Variants in RIPOR3 observed in about 807,000 individuals in gnomAD.
RIPOR3 encodes the protein family with sequence similarity 65 member C.
Under a neutral mutation model 114.3 loss-of-function variants are expected in RIPOR3, and 95 were observed. The ratio of observed to expected loss-of-function variants is 0.83; its 90% confidence interval spans 0.70 to 0.99. The LOEUF is 0.99. RIPOR3 is among the 50% of genes least tolerant of loss of function. RIPOR3 has a pLI of 0.00. For missense variants in RIPOR3, 1,252 were observed against 1,266.9 expected (o/e 0.99, Z 0.18); for synonymous variants, 575 against 543.8 (o/e 1.06, Z -0.80).
Position 50,609,323 on chromosome 20 carries a change from G to A in RIPOR3, c.610C>T (p.His204Tyr), listed in dbSNP as rs761082733. 7.4e-6 allele frequency: 12 copies of A among 1,613,832 alleles called. No individual in the cohort carries two copies. In the Admixed American group the frequency reaches 1.8e-4, roughly 25 times the overall value. Residue 204 changes from histidine to tyrosine, a missense_variant, in exon 8 of 22, where the codon CAC becomes TAC. His to Tyr is a moderately conservative substitution (Grantham distance 83). Transcript: ENST00000327979. Reference sequence around the variant, plus strand: ...ATCCTGATGTGGAACTCGCCCAGGTGAACCTCCAGGGCCCCCTCGATGAGC... The same window carrying A: ...ATCCTGATGTGGAACTCGCCCAGGTAAACCTCCAGGGCCCCCTCGATGAGC... Reference protein sequence around the residue: ...MWLIEGALEVHLGEFHIRMKG... With the variant: ...MWLIEGALEVYLGEFHIRMKG...
chr20:50,628,368 C>A (rs531540389), intron 2 of RIPOR3, among the ~76,000 whole-genome samples: 23 of 152,228 alleles, frequency 1.5e-4, no homozygotes, highest in African/African-American at 5.3e-4. Context: ...CCATGAGGCT[C>A]CGCAGGGTCC....
In RIPOR3 at chr20:50,602,577, C is replaced by T; in HGVS notation, c.1154G>A (p.Ser385Asn). The stretch of plus-strand genomic sequence containing the variant: ...CCGGAGGTCGCTGTCAGACAGGTAG[C>T]TGAGGATGGAGGTGGCCCTTGGGCC... ...LGGPRATSIL[S>N]YLSDSDLRGP... Residue 385 changes from serine to asparagine, a missense_variant, in exon 13 of 22, where the codon AGC becomes AAC. Transcript: ENST00000327979. The surrounding 1 kb of genome is among the most constrained non-coding windows in gnomAD (Gnocchi z 4.3). The T allele has an allele frequency of 6.5e-7, 1 of 1,528,184 alleles. No individual in the cohort carries two copies. Among genetic ancestry groups the T allele is most frequent in the Non-Finnish European group, 8.8e-7 (1 of 1,139,640 alleles). 94.7% of individuals were successfully genotyped at this position (1,528,184 alleles called of 1,614,324 possible).
Position 50,602,724 on chromosome 20 carries a change from G to C in RIPOR3, c.1087-80C>G. The C allele has an allele frequency of 1.8e-6, 2 of 1,108,922 alleles. No individual in the cohort carries two copies. The highest frequency in any genetic ancestry group is 2.4e-6 in the Non-Finnish European group (2 of 830,498). 68.7% of individuals were successfully genotyped at this position (1,108,922 alleles called of 1,614,324 possible). On this transcript the variant is annotated intron_variant, in intron 12 of 21. Coordinates refer to ENST00000327979, the MANE Select transcript of RIPOR3 (RefSeq NM_001290268.2). This position sits in a 1 kb window ranked among gnomAD's most constrained non-coding sequence, Gnocchi z 4.3. ...TCCCCCAGAGGGGCTTCCCCTGACA[G>C]ACACCCGCTGTGCATGCCCATGTTC...
At chr20:50,686,059 T>C (rs949349738) in intron 1 of RIPOR3, among the ~76,000 whole-genome samples, 3 of 151,848 alleles carry the variant, frequency 2.0e-5, no homozygotes, top group African/African-American at 2.4e-5. Flanking sequence ...GCCTGGCTCT[T>C]TCTTTGTTTT....
At chr20:50,683,739 G>A (rs1401872214) in intron 1 of RIPOR3, among the ~76,000 whole-genome samples, 2 of 151,748 alleles carry the variant, frequency 1.3e-5, no homozygotes, top group Non-Finnish European at 2.9e-5. Context: ...TTACAGGTGT[G>A]AGCCACCACA....
rs752760847 is a variant in RIPOR3, at chr20:50,602,125, G to T, written c.1606C>A (p.Pro536Thr). The change falls in exon 13 of 22, where the codon CCC becomes ACC. Residue 536 changes from proline (P) to threonine (T), a missense_variant. By Grantham distance (38) the Pro-to-Thr change is conservative. Transcript: ENST00000327979. The surrounding 1 kb of genome is among the most constrained non-coding windows in gnomAD (Gnocchi z 4.3). ...ELLRPTDSTQ[P>T]QLRELEYQVL... ...TGGTACTCCAGCTCCCGGAGCTGGG[G>T]CTGGGTGGAGTCCGTGGGCCTCAGC... 3 of 1,608,464 alleles carry T rather than the reference G, an allele frequency of 1.9e-6. No individual in the cohort carries two copies. The highest frequency in any genetic ancestry group is 2.7e-5 in the African/African-American group (2 of 74,830).
chr20:50,670,764 G>A (rs1281112726), intron 1 of RIPOR3, among the ~76,000 whole-genome samples: 1 of 152,096 alleles, frequency 6.6e-6, no homozygotes, highest in Non-Finnish European at 1.5e-5. Context: ...CTGGGACTGG[G>A]GAAGAACAAG....
chr20:50,612,585 T>A (rs1251540645), intron 4 of RIPOR3, among the ~76,000 whole-genome samples: 1 of 152,130 alleles, frequency 6.6e-6, no homozygotes, highest in African/African-American at 2.4e-5. Flanking sequence ...TAAGACAATT[T>A]TAACTCACAA....
intron 1 of RIPOR3, chr20:50,645,751 A>T (rs932566032): frequency 2.0e-5 from 3 of 152,166 alleles, no homozygotes; most frequent in Admixed American, 2.0e-4. Flanking sequence ...ACAACTCCCC[A>T]CAGGCCAGCC....
intron 1 of RIPOR3, among the ~76,000 whole-genome samples, chr20:50,666,221 T>TCCCTTTCCCTTTCCCTTTCCCTTTCC (rs2086227145): frequency 7.7e-6 from 1 of 130,244 alleles, no homozygotes; most frequent in African/African-American, 3.1e-5. Context: ...TCTTTTCTTT[T>TCCCTTTCCCTTTCCCTTTCCCTTTCC]CTTTTTTGAG....
chr20:50,611,180 C>A lies in RIPOR3; in HGVS notation c.372+1G>T, dbSNP rs1322437392. 1.9e-6 allele frequency: 3 copies of A among 1,614,224 alleles called. No individual in the cohort carries two copies. The highest frequency in any genetic ancestry group is 1.7e-6 in the Non-Finnish European group (2 of 1,180,050). On this transcript the variant is annotated splice_donor_variant, in intron 5 of 21. Transcript: ENST00000327979. LOFTEE classifies it high-confidence loss of function. ...ACCTCACTCACCGTATGCAGACTCA[C>A]CTTGTCCAGGTCATAATAGAAAGCC... is the stretch of plus-strand genomic sequence containing the variant.
rs1301904686 is a variant in RIPOR3 at position 50,610,847 on chromosome 20, G to C, written c.426+6C>G. On this transcript the variant is annotated splice_donor_region_variant and intron_variant, in intron 6 of 21. Transcript: ENST00000327979. ...CCCACCCTGCAACATCCACGAGCCA[G>C]CTGACCTTGCTGATGTGAAACTCCA... is the stretch of plus-strand genomic sequence containing the variant. 6.2e-7 allele frequency: 1 copy of C among 1,614,192 alleles called. No individual in the cohort carries two copies.
At chr20:50,637,876 A>G (rs1401833138) in intron 1 of RIPOR3, among the ~76,000 whole-genome samples, 2 of 151,842 alleles carry the variant, frequency 1.3e-5, no homozygotes, top group Non-Finnish European at 2.9e-5. Context: ...CTTCGTCTCA[A>G]AAAAAAATTT....
intron 1 of RIPOR3, among the ~76,000 whole-genome samples, chr20:50,632,075 T>C (rs954902797): frequency 2.6e-5 from 4 of 152,146 alleles, no homozygotes; most frequent in African/African-American, 9.7e-5. Flanking sequence ...GGTCTCTGCC[T>C]GGAAAAACTT....
chr20:50,647,070 C>T (rs75974553), intron 1 of RIPOR3, among the ~76,000 whole-genome samples: 1,846 of 152,222 alleles, frequency 0.012, 29 homozygotes, highest in African/African-American at 0.041. Flanking sequence ...ACCTGTAATC[C>T]GCACTTTCGG....
rs1386067077 is a variant in RIPOR3 at position 50,594,688 on chromosome 20, C to A, written c.2077G>T (p.Gly693Trp). The stretch of plus-strand genomic sequence containing the variant: ...CACCCTCTCCACAGCTTCAGGCACC[C>A]CTTCGTCCGCGAGGCCTGTGGGATG... ...EIIPQASRTK[G>W]CLKLWRGCTG... The change falls in exon 17 of 22, where the codon GGG (glycine) becomes TGG (tryptophan). Residue 693 changes from glycine (G) to tryptophan (W), a missense_variant. Coordinates refer to ENST00000327979, the MANE Select transcript of RIPOR3 (RefSeq NM_001290268.2). 1 of 1,612,434 alleles carries A rather than the reference C, an allele frequency of 6.2e-7. No homozygotes were observed.
chr20:50,608,254 A>T, intron 11 of RIPOR3, 135 bp downstream of exon 11: 1 of 1,237,620 alleles, frequency 8.1e-7, no homozygotes, highest in Non-Finnish European at 1.1e-6. Flanking sequence ...GGTGGGAGTG[A>T]GGGACAGATG....
chr20:50,678,880 G>A (rs1008516968), intron 1 of RIPOR3, among the ~76,000 whole-genome samples: 1 of 151,516 alleles, frequency 6.6e-6, no homozygotes, highest in Non-Finnish European at 1.5e-5. Context: ...CAGGTGGGAG[G>A]ATCACTTGAG....
chr20:50,680,135 G>T (rs748373518), intron 1 of RIPOR3, among the ~76,000 whole-genome samples: 6 of 152,172 alleles, frequency 3.9e-5, no homozygotes, highest in African/African-American at 1.4e-4. Flanking sequence ...CCCACCCTCC[G>T]CTGGCCTTGG....
Sources: allele counts gnomAD v4.1 joint callset (sites outside exome capture counted in the v4.1 genomes callset), GRCh38; gene constraint gnomAD v4.1.1; non-coding constraint Gnocchi (gnomAD v3.1); transcripts MANE v1.5; gene names NCBI Gene and HGNC (gene_info 2026-07-23, HGNC 2026-07-21).